Variants in KCNJ6 observed in about 807,000 individuals in gnomAD.
The protein encoded by KCNJ6 is G protein-activated inward rectifier potassium channel 2.
A neutral mutation model predicts 34.2 loss-of-function variants in KCNJ6; 9 were observed. The ratio of observed to expected loss-of-function variants is 0.26; its 90% CI spans 0.16 to 0.46. The LOEUF is 0.46. Among genes scored for constraint, KCNJ6 ranks in the 20% least tolerant of loss-of-function variants. The pLI, the probability that KCNJ6 is intolerant of heterozygous loss-of-function variation, is 1.00. For synonymous variants in KCNJ6, 196 were observed against 207.1 expected (o/e 0.95, Z 0.46); for missense variants, 236 against 531.3 (o/e 0.44, Z 5.46).
intron 1 of KCNJ6, among the ~76,000 whole-genome samples, chr21:37,904,492 T>A (rs1184018004): frequency 3.3e-5 from 5 of 152,170 alleles, no homozygotes; most frequent in African/African-American, 1.2e-4. Flanking sequence ...TGAAAAAAAA[T>A]TATCTTCACT....
chr21:37,790,638 A>T (rs2055212418), intron 2 of KCNJ6, among the ~76,000 whole-genome samples: 3 of 152,216 alleles, frequency 2.0e-5, no homozygotes, highest in Admixed American at 2.0e-4. Context: ...TAACAAAACC[A>T]ATCGATTTAG....
chr21:37,615,084 C>G lies in KCNJ6; in HGVS notation c.*10075G>C, dbSNP rs112055085. 1,979 of 152,226 alleles carry G rather than the reference C, an allele frequency of 0.013. 25 individuals are homozygous for G. Among genetic ancestry groups the G allele is most frequent in the South Asian group, 0.028 (135 of 4,822 alleles). The allele number at this position is 152,226 out of a possible 1,614,324, so 9.4% of individuals were successfully genotyped here. ...TGTCGAGATTGCGGAAAGTTCTCAT[C>G]TACCCTCTAATGCCCCATGAGACAC... is the stretch of plus-strand genomic sequence containing the variant. On this transcript the variant is annotated 3_prime_UTR_variant, in exon 4 of 4. Transcript: ENST00000609713.
At chr21:37,783,477 A>C (rs1039896118) in intron 2 of KCNJ6, among the ~76,000 whole-genome samples, 1 of 152,116 alleles carries the variant, frequency 6.6e-6, no homozygotes. Flanking sequence ...CCATGTAAGA[A>C]GTGCCTTTTG....
chr21:37,658,124 A>ACTGCTGT (rs5843844), intron 3 of KCNJ6, among the ~76,000 whole-genome samples: 23,493 of 152,220 alleles, frequency 0.15, 2,903 homozygotes, highest in African/African-American at 0.34. Flanking sequence ...GGCAGGGAAC[A>ACTGCTGT]CTGCAGTAAG....
At chr21:37,635,061 A>G (rs2054351377) in intron 3 of KCNJ6, among the ~76,000 whole-genome samples, 2 of 151,980 alleles carry the variant, frequency 1.3e-5, no homozygotes, top group Non-Finnish European at 2.9e-5. Flanking sequence ...CAGCCAAATC[A>G]CTTTGTGGTT....
chr21:37,753,249 C>T (rs2055005667), intron 2 of KCNJ6, among the ~76,000 whole-genome samples: 1 of 152,170 alleles, frequency 6.6e-6, no homozygotes, highest in African/African-American at 2.4e-5. Flanking sequence ...ACCTGTCAAA[C>T]AACCCGAGTG....
At chr21:37,809,474 A>G (rs1359108071) in intron 2 of KCNJ6, among the ~76,000 whole-genome samples, 3 of 152,074 alleles carry the variant, frequency 2.0e-5, no homozygotes, top group East Asian at 3.9e-4. Context: ...ATGTATACAC[A>G]TGTAACAAAC....
At chr21:37,882,240 T>C (rs1270494659) in intron 1 of KCNJ6, among the ~76,000 whole-genome samples, 1 of 152,100 alleles carries the variant, frequency 6.6e-6, no homozygotes, top group Non-Finnish European at 1.5e-5. Context: ...CAGGAGGGGG[T>C]TGTAGCCTTG....
At chr21:37,666,441 A>AG (rs11383357) in intron 3 of KCNJ6, among the ~76,000 whole-genome samples, 152,316 of 152,316 alleles carry the variant, frequency 1, 76,158 homozygotes, top group Non-Finnish European at 1. Context: ...GTGCTGTCTC[A>AG]GCAAGTCACC....
intron 2 of KCNJ6, among the ~76,000 whole-genome samples, chr21:37,811,764 A>T (rs2055323879): frequency 6.6e-6 from 1 of 152,162 alleles, no homozygotes; most frequent in Non-Finnish European, 1.5e-5. Flanking sequence ...GGAGGGCTTA[A>T]GGGAGCTTCT....
intron 2 of KCNJ6, among the ~76,000 whole-genome samples, chr21:37,840,087 C>A (rs1369875353): frequency 1.3e-5 from 2 of 152,266 alleles, no homozygotes; most frequent in Non-Finnish European, 2.9e-5. Context: ...GCATGAGCCA[C>A]TGTGCCCAGC....
chr21:37,776,985 T>C (rs1328384133), intron 2 of KCNJ6, among the ~76,000 whole-genome samples: 1 of 152,206 alleles, frequency 6.6e-6, no homozygotes, highest in Non-Finnish European at 1.5e-5. Context: ...TCCTGGACTT[T>C]TTTTGGTTGG....
At chr21:37,628,972 G>A (rs1384119704) in intron 3 of KCNJ6, among the ~76,000 whole-genome samples, 1 of 152,176 alleles carries the variant, frequency 6.6e-6, no homozygotes, top group Non-Finnish European at 1.5e-5. Context: ...GAGAAATGAA[G>A]CCATTCCATG....
intron 2 of KCNJ6, among the ~76,000 whole-genome samples, chr21:37,772,062 A>C (rs62221962): frequency 2.4e-3 from 371 of 152,302 alleles, no homozygotes; most frequent in Non-Finnish European, 4.4e-3. Context: ...CATAAATAAA[A>C]TTATCTCATC....
chr21:37,625,058 CAAAT>C lies in KCNJ6; in HGVS notation c.*97_*100del, dbSNP rs914336672. The C allele has an allele frequency of 1.2e-5, 11 of 912,480 alleles. No individual in the cohort carries two copies. Among genetic ancestry groups the C allele is most frequent in the Middle Eastern group, 2.2e-4 (1 of 4,466 alleles). The allele number at this position is 912,480 out of a possible 1,614,324, so 56.5% of individuals were successfully genotyped here. A position where few individuals can be genotyped will look rare whatever the true frequency, so the allele number is the denominator to read the frequency against. On this transcript the variant is annotated 3_prime_UTR_variant, in exon 4 of 4. Transcript: ENST00000609713. ...TGGTCATGTAAAAATTAAATATAAA[CAAAT>C]AAAGAACAAAGCAAGAGAGACAGAA...
intron 3 of KCNJ6, among the ~76,000 whole-genome samples, chr21:37,654,713 T>C (rs972901096): frequency 2.0e-5 from 3 of 152,152 alleles, no homozygotes; most frequent in Non-Finnish European, 4.4e-5. Context: ...ATCTATGAGA[T>C]TAAATGACTG....
At chr21:37,896,891 A>G (rs2055791261) in intron 1 of KCNJ6, among the ~76,000 whole-genome samples, 1 of 152,192 alleles carries the variant, frequency 6.6e-6, no homozygotes, top group Admixed American at 6.5e-5. Context: ...TGCTTCAGAA[A>G]AGGCACCTGA....
In KCNJ6 at chr21:37,710,271, A is replaced by G. The variant is rs189198965; in HGVS notation, c.946+3940T>C. Among the ~76,000 whole-genome samples, 274 of 152,352 alleles carry G rather than the reference A, an allele frequency of 1.8e-3. 1 individual carries two copies. Among genetic ancestry groups the G allele is most frequent in the African/African-American group, 6.1e-3 (254 of 41,584 alleles). On this transcript the variant is annotated intron_variant, in intron 3 of 3. Transcript: ENST00000609713. Reference sequence around the variant, plus strand: ...ATTGGTCATTATTTTAGGTGTCATAATGGTATGATAGCTATGTTTTTAAAA... The same window carrying G: ...ATTGGTCATTATTTTAGGTGTCATAGTGGTATGATAGCTATGTTTTTAAAA...
At chr21:37,828,459 C>T (rs894643625) in intron 2 of KCNJ6, among the ~76,000 whole-genome samples, 3 of 152,226 alleles carry the variant, frequency 2.0e-5, no homozygotes, top group Non-Finnish European at 4.4e-5. Context: ...CCAGCTCACA[C>T]ACCTGTCACC....
Sources: gnomAD v4.1 joint callset for allele counts (sites outside exome capture counted in the v4.1 genomes callset) on GRCh38, gnomAD v4.1.1 for gene constraint, MANE v1.5 for transcripts, NCBI Gene and HGNC (gene_info 2026-07-23, HGNC 2026-07-21) for gene names.